The following TMOD2 variants were observed in gnomAD, a reference collection of about 807,000 sequenced individuals.
The protein encoded by TMOD2 is tropomodulin 2.
TMOD2 carries 22 observed loss-of-function variants against 39.9 expected under a neutral mutation model. That is an observed-to-expected ratio of 0.55 (90% confidence interval 0.39 to 0.79). The LOEUF is 0.79. Among genes scored for constraint, TMOD2 ranks in the 30% least tolerant of loss-of-function variants. The pLI is 0.00. For missense variants in TMOD2, 386 were observed against 413.3 expected, an observed-to-expected ratio of 0.93 and a Z score of 0.57; for synonymous variants, 123 against 146.1, an observed-to-expected ratio of 0.84 and a Z score of 1.14.
intron 8 of TMOD2, among the ~76,000 whole-genome samples, chr15:51,805,057 C>A (rs1173975393): frequency 2.0e-5 from 3 of 152,060 alleles, no homozygotes; most frequent in Non-Finnish European, 4.4e-5. Context: ...CTCCTAGATT[C>A]TAGTGATTCT....
chr15:51,780,710 A>G (rs2055923692), intron 5 of TMOD2, among the ~76,000 whole-genome samples: 1 of 152,214 alleles, frequency 6.6e-6, no homozygotes, highest in African/African-American at 2.4e-5. Context: ...CCTGTAGTCT[A>G]GTTAGTATAG....
rs769255965 is a variant in TMOD2, at chr15:51,812,230, G to C, written c.*3776G>C. On this transcript the variant is annotated 3_prime_UTR_variant, in exon 10 of 10. Coordinates refer to ENST00000249700, the MANE Select transcript of TMOD2 (RefSeq NM_014548.4). The stretch of plus-strand genomic sequence containing the variant: ...ATTTAAAAACTCAGAAATCATCCCA[G>C]TGCCTGTACTCCTCAAACCAATTTC... 5.9e-5 allele frequency: 9 copies of C among 152,238 alleles called. No homozygotes were observed. The South Asian group carries it at 6.2e-4, about 11-fold the overall frequency. The allele number at this position is 152,238 out of a possible 1,614,324, so 9.4% of individuals were successfully genotyped here.
chr15:51,797,335 G>A (rs146118504), intron 7 of TMOD2, among the ~76,000 whole-genome samples: 63 of 152,248 alleles, frequency 4.1e-4, no homozygotes, highest in African/African-American at 1.3e-3. Flanking sequence ...TTCCTGGAAG[G>A]TGCTGGGAGG....
At chr15:51,774,399 C>G (rs2055873988) in intron 4 of TMOD2, among the ~76,000 whole-genome samples, 1 of 152,216 alleles carries the variant, frequency 6.6e-6, no homozygotes, top group Admixed American at 6.5e-5. Flanking sequence ...CTTGTACAGC[C>G]TTCAAGAAAG....
intron 1 of TMOD2, among the ~76,000 whole-genome samples, chr15:51,758,301 T>G (rs2055756635): frequency 6.6e-6 from 1 of 152,312 alleles, no homozygotes; most frequent in South Asian, 2.1e-4. Context: ...GACATGGCAC[T>G]TATTTTCTGG....
chr15:51,804,788 G>T (rs2056111458), intron 8 of TMOD2, among the ~76,000 whole-genome samples: 1 of 152,050 alleles, frequency 6.6e-6, no homozygotes, highest in Admixed American at 6.6e-5. Context: ...GGCCAGGCTG[G>T]TTTCGAACAC....
At chr15:51,793,376 ATAC>A (rs1220832226) in intron 7 of TMOD2, among the ~76,000 whole-genome samples, 1 of 152,164 alleles carries the variant, frequency 6.6e-6, no homozygotes, top group Non-Finnish European at 1.5e-5. Flanking sequence ...TCTTTTTTTC[ATAC>A]TACATCTTTG....
chr15:51,758,012 C>G (rs528382576), intron 1 of TMOD2, among the ~76,000 whole-genome samples: 16 of 151,860 alleles, frequency 1.1e-4, no homozygotes, highest in African/African-American at 3.9e-4. Flanking sequence ...CTCAGGAGTA[C>G]AAGGCTGCAG....
intron 7 of TMOD2, among the ~76,000 whole-genome samples, chr15:51,797,110 A>G (rs1402968863): frequency 1.3e-5 from 2 of 152,206 alleles, no homozygotes; most frequent in Non-Finnish European, 2.9e-5. Context: ...ACGTTTTCCC[A>G]CTGAGGTTGA....
intron 6 of TMOD2, among the ~76,000 whole-genome samples, chr15:51,782,174 G>A (rs1169006573): frequency 1.3e-5 from 2 of 152,058 alleles, no homozygotes; most frequent in Non-Finnish European, 2.9e-5. Flanking sequence ...TATATTAGGA[G>A]AAAAACACTA....
At chr15:51,776,542 A>C (rs1177214544) in intron 4 of TMOD2, among the ~76,000 whole-genome samples, 1 of 152,214 alleles carries the variant, frequency 6.6e-6, no homozygotes, top group African/African-American at 2.4e-5. Flanking sequence ...AAATATATGC[A>C]GTAATCTATA....
Position 51,766,460 on chromosome 15 carries a change from A to G in TMOD2, c.19A>G (p.Lys7Glu). 1 of 1,614,056 alleles carries G rather than the reference A, an allele frequency of 6.2e-7. No individual in the cohort carries two copies. The highest frequency in any genetic ancestry group is 8.5e-7 in the Non-Finnish European group (1 of 1,179,958). Residue 7 changes from lysine to glutamate, a missense_variant, in exon 2 of 10, where the codon AAA (lysine) becomes GAA (glutamate). Lys to Glu is a moderately conservative substitution (Grantham distance 56). Coordinates refer to ENST00000249700, the MANE Select transcript of TMOD2 (RefSeq NM_014548.4). Reference sequence around the variant, plus strand: ...AGAAGCCATGGCACTCCCCTTTCAAAAAGAGCTGGAGAAATACAAGAACAT... The same window carrying G: ...AGAAGCCATGGCACTCCCCTTTCAAGAAGAGCTGGAGAAATACAAGAACAT... MALPFQ[K>E]ELEKYKNIDE...
rs73409034 is a variant in TMOD2 at position 51,804,460 on chromosome 15, A to G, written c.877-1917A>G. On this transcript the variant is annotated intron_variant, in intron 8 of 9. Transcript: ENST00000249700. ...TTAGAACACTACATACTGCATGCCA[A>G]TCTGGCTTTCTCTGTGGGGAATGGG... Among the ~76,000 whole-genome samples, 1,434 of 152,352 alleles carry G rather than the reference A, an allele frequency of 9.4e-3. 15 individuals carry two copies. The highest frequency in any genetic ancestry group is 0.019 in the African/African-American group (793 of 41,580).
At chr15:51,787,956 AAC>A (rs1472821508) in intron 7 of TMOD2, among the ~76,000 whole-genome samples, 5 of 152,190 alleles carry the variant, frequency 3.3e-5, no homozygotes, top group Non-Finnish European at 7.3e-5. Context: ...TCTCCAAAGG[AAC>A]ACAACTGCTC....
chr15:51,786,756 G>T (rs1481587323), intron 7 of TMOD2, among the ~76,000 whole-genome samples: 2 of 152,148 alleles, frequency 1.3e-5, no homozygotes, highest in African/African-American at 4.8e-5. Flanking sequence ...CAATGAGAGG[G>T]CCCAAATATA....
chr15:51,753,373 A>G (rs1055278953), intron 1 of TMOD2, among the ~76,000 whole-genome samples: 1 of 152,220 alleles, frequency 6.6e-6, no homozygotes, highest in Non-Finnish European at 1.5e-5. Context: ...GTTTAGCAGC[A>G]TCTACTGCGA....
intron 3 of TMOD2, among the ~76,000 whole-genome samples, chr15:51,770,713 A>C (rs865879623): frequency 2.6e-5 from 4 of 151,980 alleles, no homozygotes; most frequent in Admixed American, 6.6e-5. Flanking sequence ...GCTGAGGTGG[A>C]AGGATCCCAT....
rs561361291 is a variant in TMOD2 at position 51,811,553 on chromosome 15, C to G, written c.*3099C>G. Reference sequence around the variant, plus strand: ...AAATCATATGATTAGTTCAGCACTGCAGCTCCCCATCTGCTTATAGTGTAT... The same window carrying G: ...AAATCATATGATTAGTTCAGCACTGGAGCTCCCCATCTGCTTATAGTGTAT... On this transcript the variant is annotated 3_prime_UTR_variant, in exon 10 of 10. Transcript: ENST00000249700. 1 of 152,674 alleles carries G rather than the reference C, an allele frequency of 6.5e-6. No homozygotes were observed. Among genetic ancestry groups the G allele is most frequent in the South Asian group, 2.1e-4 (1 of 4,832 alleles). The allele number at this position is 152,674 out of a possible 1,614,324, so 9.5% of individuals were successfully genotyped here.
At chr15:51,779,014 T>TG (rs1351211131) in intron 5 of TMOD2, among the ~76,000 whole-genome samples, 1 of 152,138 alleles carries the variant, frequency 6.6e-6, no homozygotes, top group Non-Finnish European at 1.5e-5. Context: ...TGGAGTGCAA[T>TG]GGTGCAATCA....
Sources: gnomAD v4.1 joint callset for allele counts (sites outside exome capture counted in the v4.1 genomes callset) on GRCh38, gnomAD v4.1.1 for gene constraint, MANE v1.5 for transcripts, NCBI Gene and HGNC (gene_info 2026-07-23, HGNC 2026-07-21) for gene names.